CEACAM20: variants seen among roughly 807,000 people sequenced by gnomAD.
The protein encoded by CEACAM20 is CEA cell adhesion molecule 20, also known as cell adhesion molecule CEACAM20.
In CEACAM20, 50 loss-of-function variants were observed where a neutral mutation model predicts 61.2. That is an observed-to-expected ratio of 0.82 (90% CI 0.65 to 1.03). CEACAM20 has a LOEUF of 1.03. Ranked by LOEUF, CEACAM20 falls within the 50% of genes least tolerant of loss-of-function variation. CEACAM20 has a pLI of 0.00. For synonymous variants in CEACAM20, 282 were observed against 287.7 expected (o/e 0.98, Z 0.20); for missense variants, 683 against 736.4 (o/e 0.93, Z 0.84).
intron 1 of CEACAM20, 114 bp from the exon 2 acceptor site, chr19:44,525,358 C>T: frequency 1.0e-6 from 1 of 963,696 alleles, no homozygotes. Flanking sequence ...ATTCCACCCA[C>T]AGAGACCTGA....
At chr19:44,529,310 T>A in intron 1 of CEACAM20, 148 bp downstream of exon 1, 1 of 697,992 alleles carries the variant, frequency 1.4e-6, no homozygotes, top group South Asian at 1.7e-5. Context: ...TCTGTCTCTG[T>A]GTCTCTATTT....
At position 44,522,973 on chromosome 19, in the gene CEACAM20, G is replaced by C. The variant is rs913769717; in HGVS notation, c.473-61C>G. 2.2e-6 allele frequency: 3 copies of C among 1,358,972 alleles called. No homozygotes were observed. In the African/African-American group the frequency reaches 4.4e-5, roughly 20 times the overall value. 84.2% of individuals were successfully genotyped at this position (1,358,972 alleles called of 1,614,324 possible). On this transcript the variant is annotated intron_variant, in intron 3 of 11. Coordinates refer to ENST00000614924, the MANE Select transcript of CEACAM20 (RefSeq NM_001102597.3). ...GCATCAGCAACAGGTCTCTTATGGA[G>C]GTCTTTAACGGATCAATAAATACTT...
At position 44,524,207 on chromosome 19, in the gene CEACAM20, T is replaced by C. The variant is rs1971459180; in HGVS notation, c.251A>G (p.Asp84Gly). Residue 84 changes from aspartate (D) to glycine (G), a missense_variant, in exon 3 of 12, where the codon GAC becomes GGC. Physicochemically the swap from Asp to Gly is moderately conservative, Grantham distance 94 (BLOSUM62 -1). Coordinates refer to ENST00000614924, the MANE Select transcript of CEACAM20 (RefSeq NM_001102597.3). Reference protein sequence around the residue: ...VSPGTAIEQKDMVTFYCTTKD... With the variant: ...VSPGTAIEQKGMVTFYCTTKD... ...AGTGGTGCAGTAGAAGGTCACCATGTCCTTCTGCTCTATGGCAGTGCCTGG... is the reference window on the plus strand; with the variant it reads ...AGTGGTGCAGTAGAAGGTCACCATGCCCTTCTGCTCTATGGCAGTGCCTGG... 1.2e-6 allele frequency: 2 copies of C among 1,613,896 alleles called. No individual in the cohort carries two copies. The highest frequency in any genetic ancestry group is 2.7e-5 in the African/African-American group (2 of 75,042).
rs1320479310 is a variant in CEACAM20, at chr19:44,522,572, T to C, written c.751+62A>G. On this transcript the variant is annotated intron_variant, in intron 4 of 11. Transcript: ENST00000614924. ...TGGATTAAGAACTCCTGGTTCCTTCTGACATGGCCAGCATCTGACGCTCAG... is the reference window on the plus strand; with the variant it reads ...TGGATTAAGAACTCCTGGTTCCTTCCGACATGGCCAGCATCTGACGCTCAG... 5.1e-6 allele frequency: 8 copies of C among 1,555,924 alleles called. No homozygotes were observed. The East Asian group carries it at 1.4e-4, about 27-fold the overall frequency.
intron 1 of CEACAM20, 62 bp downstream of exon 1, chr19:44,529,394 ACC>A (rs1336025046): frequency 8.6e-7 from 1 of 1,168,616 alleles, no homozygotes; most frequent in Non-Finnish European, 1.2e-6. Context: ...ACACACACAC[ACC>A]GCTGACAAAT....
At position 44,522,861 on chromosome 19, in the gene CEACAM20, T is replaced by G; in HGVS notation, c.524A>C (p.Glu175Ala). 2 of 1,609,376 alleles carry G rather than the reference T, an allele frequency of 1.2e-6. No individual in the cohort carries two copies. The highest frequency in any genetic ancestry group is 2.7e-5 in the African/African-American group (2 of 74,936). The change falls in exon 4 of 12, where the codon GAG becomes GCG. Residue 175 changes from glutamate (E) to alanine (A), a missense_variant. Physicochemically the swap from Glu to Ala is moderately radical, Grantham distance 107. Coordinates refer to ENST00000614924, the MANE Select transcript of CEACAM20 (RefSeq NM_001102597.3). ...GGAGCCCTCCATCACCTCAACCACC[T>G]CCCCACTGGCAACACCAGACTCCAA... ...IKLESGVASG[E>A]VVEVMEGSSM...
In CEACAM20 at chr19:44,529,584, C is replaced by T; in HGVS notation, c.-75G>A. ...TGCACACACAGATACAGTCCTCACT[C>T]CAGGTGCAGCCCCTCCACCTCCCTT... On this transcript the variant is annotated 5_prime_UTR_variant, in exon 1 of 12. Transcript: ENST00000614924. 7.8e-7 allele frequency: 1 copy of T among 1,289,806 alleles called. No homozygotes were observed. The allele number at this position is 1,289,806 out of a possible 1,614,324, so 79.9% of individuals were successfully genotyped here. A position where few individuals can be genotyped will look rare whatever the true frequency, so the allele number is the denominator to read the frequency against.
chr19:44,529,354 GCACACACACA>G (rs71940010), intron 1 of CEACAM20, 94 bp downstream of exon 1: 68,311 of 658,638 alleles, frequency 0.1, 2,301 homozygotes, highest in African/African-American at 0.22. Flanking sequence ...TTCCTCGAGT[GCACACACACA>G]CACACACACA....
At chr19:44,525,043 A>T in intron 2 of CEACAM20, 58 bp downstream of exon 2, 1 of 1,592,126 alleles carries the variant, frequency 6.3e-7, no homozygotes. Flanking sequence ...TGAGGTTCGG[A>T]TGAGGGATCT....
Position 44,529,606 on chromosome 19 carries a change from C to A in CEACAM20, c.-97G>T. ...ACTCCAGGTGCAGCCCCTCCACCTC[C>A]CTTCTCTCCTCTCCCACCCTGCTAC... On this transcript the variant is annotated 5_prime_UTR_variant, in exon 1 of 12. Coordinates refer to ENST00000614924, the MANE Select transcript of CEACAM20 (RefSeq NM_001102597.3). The A allele has an allele frequency of 1.0e-6, 1 of 964,372 alleles. No individual in the cohort carries two copies. Among genetic ancestry groups the A allele is most frequent in the Non-Finnish European group, 1.6e-6 (1 of 613,942 alleles). 59.7% of individuals were successfully genotyped at this position (964,372 alleles called of 1,614,324 possible). A position where few individuals can be genotyped will look rare whatever the true frequency, so the allele number is the denominator to read the frequency against.
At chr19:44,510,914 T>C in intron 11 of CEACAM20, 116 bp downstream of exon 11, 1 of 1,299,220 alleles carries the variant, frequency 7.7e-7, no homozygotes, top group African/African-American at 1.5e-5. Context: ...ATTGAGAAGA[T>C]TTTTAAAGGG....
chr19:44,513,850 T>C (rs1971080778), intron 6 of CEACAM20, among the ~76,000 whole-genome samples: 1 of 152,194 alleles, frequency 6.6e-6, no homozygotes, highest in South Asian at 2.1e-4. Context: ...TAGGCTTCAG[T>C]TGTCTCTTTT....
In CEACAM20 at chr19:44,511,619, C is replaced by G; in HGVS notation, c.1611+18G>C. On this transcript the variant is annotated intron_variant, in intron 10 of 11. Coordinates refer to ENST00000614924, the MANE Select transcript of CEACAM20 (RefSeq NM_001102597.3). ...TCCTTCATAGATTCTTTAACCAAAC[C>G]CAGCAGGGCCAATGTACCTCATAGG... 2 of 1,610,776 alleles carry G rather than the reference C, an allele frequency of 1.2e-6. No homozygotes were observed. Among genetic ancestry groups the G allele is most frequent in the Non-Finnish European group, 1.7e-6 (2 of 1,178,476 alleles).
intron 11 of CEACAM20, among the ~76,000 whole-genome samples, chr19:44,510,384 G>T (rs752790604): frequency 2.0e-5 from 3 of 151,730 alleles, no homozygotes; most frequent in Non-Finnish European, 4.4e-5. Context: ...GTGATGGCTC[G>T]TGCCTGCAGT....
intron 11 of CEACAM20, 123 bp from the exon 12 acceptor site, chr19:44,506,337 T>C: frequency 1.3e-6 from 1 of 741,282 alleles, no homozygotes; most frequent in South Asian, 1.7e-5. Context: ...AAAATCTTCC[T>C]CCATTCTCAT....
chr19:44,510,645 AAAT>A (rs1970968459), intron 11 of CEACAM20, among the ~76,000 whole-genome samples: 1 of 151,662 alleles, frequency 6.6e-6, no homozygotes, highest in Non-Finnish European at 1.5e-5. Context: ...AGAAGAAAGA[AAAT>A]AAAAGGCATG....
intron 11 of CEACAM20, among the ~76,000 whole-genome samples, chr19:44,510,592 GAAA>G (rs1970955627): frequency 0.044 from 2,400 of 54,370 alleles, 183 homozygotes; most frequent in African/African-American, 0.18. Flanking sequence ...AAGAAAGAAA[GAAA>G]GAAAGAAAGA....
In CEACAM20 at chr19:44,509,895, G is replaced by A. The variant is rs552509010; in HGVS notation, c.1737+1135C>T. 3.9e-5 allele frequency among the ~76,000 whole-genome samples: 6 copies of A among 152,284 alleles called. No individual in the cohort carries two copies. The South Asian group carries it at 1.2e-3, about 32-fold the overall frequency. On this transcript the variant is annotated intron_variant, in intron 11 of 11. Coordinates refer to ENST00000614924, the MANE Select transcript of CEACAM20 (RefSeq NM_001102597.3). Reference sequence around the variant, plus strand: ...TCAAATGGAAATGAATGTAAATAGGGACATTGCCTAGGAAGGAATGGAGAG... The same window carrying A: ...TCAAATGGAAATGAATGTAAATAGGAACATTGCCTAGGAAGGAATGGAGAG...
At chr19:44,527,288 T>C (rs1003346851) in intron 1 of CEACAM20, among the ~76,000 whole-genome samples, 2 of 152,090 alleles carry the variant, frequency 1.3e-5, no homozygotes, top group Non-Finnish European at 2.9e-5. Context: ...ATGATGATGA[T>C]GGTGGTGGTC....
Sources: allele counts gnomAD v4.1 joint callset (sites outside exome capture counted in the v4.1 genomes callset), GRCh38; gene constraint gnomAD v4.1.1; transcripts MANE v1.5; gene names NCBI Gene and HGNC (gene_info 2026-07-23, HGNC 2026-07-21).